The following IQCH variants were observed in gnomAD, a reference collection of about 807,000 sequenced individuals.
IQCH encodes the protein IQ motif containing H.
Under a neutral mutation model 117.0 loss-of-function variants are expected in IQCH, and 98 were observed. The observed-to-expected ratio is 0.84, with a 90% CI of 0.71 to 0.99. IQCH has a LOEUF of 0.99. IQCH is among the 50% of genes least tolerant of loss of function. The pLI, the probability that IQCH is intolerant of heterozygous loss-of-function variation, is 0.00. For synonymous variants in IQCH, 412 were observed against 448.2 expected (o/e 0.92, Z 1.02); for missense variants, 1,102 against 1,243.8 (o/e 0.89, Z 1.72).
chr15:67,259,527 A>G (rs571686195), intron 1 of IQCH, among the ~76,000 whole-genome samples: 8 of 152,360 alleles, frequency 5.3e-5, no homozygotes, highest in African/African-American at 1.9e-4. Flanking sequence ...TACCAAGCCT[A>G]TTACATACTA....
At chr15:67,271,266 C>A (rs1965888545) in intron 3 of IQCH, among the ~76,000 whole-genome samples, 1 of 152,190 alleles carries the variant, frequency 6.6e-6, no homozygotes, top group Non-Finnish European at 1.5e-5. Context: ...CCACGCCCAG[C>A]CTATGGTGAA....
At chr15:67,285,991 A>T (rs1261730728) in intron 4 of IQCH, among the ~76,000 whole-genome samples, 2 of 152,150 alleles carry the variant, frequency 1.3e-5, no homozygotes. Context: ...TGGTACTTTG[A>T]TAGGGATTGC....
intron 4 of IQCH, among the ~76,000 whole-genome samples, chr15:67,325,246 T>A (rs1968352906): frequency 6.6e-6 from 1 of 152,184 alleles, no homozygotes; most frequent in Non-Finnish European, 1.5e-5. Context: ...AGTTTTAGAA[T>A]TTCCATTTAG....
intron 4 of IQCH, among the ~76,000 whole-genome samples, chr15:67,283,577 T>C (rs1299142803): frequency 6.6e-6 from 1 of 152,116 alleles, no homozygotes; most frequent in Non-Finnish European, 1.5e-5. Flanking sequence ...AGTGGGACCA[T>C]GTACGTTCTG....
In IQCH at chr15:67,493,154, T is replaced by C. The variant is rs1010489399; in HGVS notation, c.2862-1104T>C. On this transcript the variant is annotated intron_variant, in intron 19 of 20. Transcript: ENST00000335894. The surrounding 1 kb of genome is among the most constrained non-coding windows in gnomAD (Gnocchi z 5.1). ...AAAGCCTTTAGTCCTTTTCTACTGTTTTCTGCCCATCTTAATCTCATCCCT... is the reference window on the plus strand; with the variant it reads ...AAAGCCTTTAGTCCTTTTCTACTGTCTTCTGCCCATCTTAATCTCATCCCT... Among the ~76,000 whole-genome samples, 19 of 152,288 alleles carry C rather than the reference T, an allele frequency of 1.2e-4. No homozygotes were observed. Among genetic ancestry groups the C allele is most frequent in the African/African-American group, 3.8e-4 (16 of 41,568 alleles).
At chr15:67,319,676 A>G (rs897110368) in intron 4 of IQCH, among the ~76,000 whole-genome samples, 3 of 152,248 alleles carry the variant, frequency 2.0e-5, no homozygotes, top group Non-Finnish European at 4.4e-5. Context: ...CAAAATATGC[A>G]ACCTGTCCTC....
At chr15:67,326,567 G>A (rs1968419692) in intron 4 of IQCH, among the ~76,000 whole-genome samples, 1 of 152,110 alleles carries the variant, frequency 6.6e-6, no homozygotes, top group Non-Finnish European at 1.5e-5. Flanking sequence ...GGTTGAACTA[G>A]TTTGCTGTCC....
Position 67,381,196 on chromosome 15 carries a change from C to T in IQCH, c.1373-3740C>T, listed in dbSNP as rs1970917118. ...AGCTAGTTTGCTGGATGCAAAGAGG[C>T]AATTAGTGTCATCTGATAGATGTTT... is the stretch of plus-strand genomic sequence containing the variant. On this transcript the variant is annotated intron_variant, in intron 10 of 20. Transcript: ENST00000335894. The surrounding 1 kb of genome is among the most constrained non-coding windows in gnomAD (Gnocchi z 5.1). Among the ~76,000 whole-genome samples, 1 of 152,074 alleles carries T rather than the reference C, an allele frequency of 6.6e-6. No homozygotes were observed. The highest frequency in any genetic ancestry group is 2.4e-5 in the African/African-American group (1 of 41,404).
chr15:67,334,688 G>A (rs1968814247), intron 4 of IQCH, among the ~76,000 whole-genome samples: 1 of 152,080 alleles, frequency 6.6e-6, no homozygotes. Context: ...GGGCCCAGGC[G>A]GCAGTATTTT....
chr15:67,361,600 C>T (rs1404640833), intron 8 of IQCH, among the ~76,000 whole-genome samples: 1 of 152,172 alleles, frequency 6.6e-6, no homozygotes, highest in Non-Finnish European at 1.5e-5. Flanking sequence ...TACAGGTAAT[C>T]AGTTTCTGTG....
intron 16 of IQCH, among the ~76,000 whole-genome samples, chr15:67,450,038 G>A (rs2082483427): frequency 6.6e-6 from 1 of 152,072 alleles, no homozygotes; most frequent in South Asian, 2.1e-4. Context: ...TCTGTTATTG[G>A]TGTATAAGAA....
At chr15:67,257,330 G>C (rs1441238289) in intron 1 of IQCH, among the ~76,000 whole-genome samples, 3 of 152,226 alleles carry the variant, frequency 2.0e-5, no homozygotes, top group African/African-American at 7.2e-5. Flanking sequence ...GTCAGTGACT[G>C]AGTGAGTGTG....
chr15:67,428,834 T>G (rs1596357648), intron 16 of IQCH, among the ~76,000 whole-genome samples: 3 of 130,598 alleles, frequency 2.3e-5, no homozygotes, highest in African/African-American at 2.9e-5. Flanking sequence ...GGTGACAGAG[T>G]GAGACTCTGT....
In IQCH at chr15:67,456,704, T is replaced by C. The variant is rs2082664926; in HGVS notation, c.2506-8423T>C. The stretch of plus-strand genomic sequence containing the variant: ...TTAAAACATTGTTATTTTGCTGTTT[T>C]CTTTTCATATTTGGGAGCCAGGAAC... On this transcript the variant is annotated intron_variant, in intron 16 of 20. Transcript: ENST00000335894. The surrounding 1 kb of genome is among the most constrained non-coding windows in gnomAD (Gnocchi z 5.1). 6.6e-6 allele frequency among the ~76,000 whole-genome samples: 1 copy of C among 152,210 alleles called. No individual in the cohort carries two copies. Among genetic ancestry groups the C allele is most frequent in the African/African-American group, 2.4e-5 (1 of 41,458 alleles).
At position 67,453,966 on chromosome 15, in the gene IQCH, G is replaced by A. The variant is rs1010474975; in HGVS notation, c.2506-11161G>A. Among the ~76,000 whole-genome samples the A allele has an allele frequency of 1.3e-5, 2 of 152,244 alleles. No homozygotes were observed. The highest frequency in any genetic ancestry group is 2.9e-5 in the Non-Finnish European group (2 of 68,042). On this transcript the variant is annotated intron_variant, in intron 16 of 20. Transcript: ENST00000335894. This position sits in a 1 kb window ranked among gnomAD's most constrained non-coding sequence, Gnocchi z 5.8. ...CCCCCAGCCTCGCTGCCGCCTTGCA[G>A]TTCGATCTGGGACTGCTGTGCTAGC...
At chr15:67,264,726 T>C (rs1965597514) in intron 3 of IQCH, among the ~76,000 whole-genome samples, 1 of 151,908 alleles carries the variant, frequency 6.6e-6, no homozygotes, top group Admixed American at 6.6e-5. Flanking sequence ...GAGAAGGGAT[T>C]ATACAAGGGC....
In IQCH at chr15:67,385,123, C is replaced by G; in HGVS notation, c.1456+104C>G. 1 of 687,338 alleles carries G rather than the reference C, an allele frequency of 1.5e-6. No individual in the cohort carries two copies. Among genetic ancestry groups the G allele is most frequent in the Non-Finnish European group, 2.5e-6 (1 of 402,810 alleles). The allele number at this position is 687,338 out of a possible 1,614,324, so 42.6% of individuals were successfully genotyped here. A position where few individuals can be genotyped will look rare whatever the true frequency, so the allele number is the denominator to read the frequency against. ...TTTGTTTTTTGCTTATTTTTTTCCT[C>G]TACAAGGAAAAAGCTCAGATGTTTA... On this transcript the variant is annotated intron_variant, in intron 11 of 20. Coordinates refer to ENST00000335894, the MANE Select transcript of IQCH (RefSeq NM_001031715.3). This position sits in a 1 kb window ranked among gnomAD's most constrained non-coding sequence, Gnocchi z 4.6.
intron 16 of IQCH, among the ~76,000 whole-genome samples, chr15:67,440,996 T>G (rs1260952301): frequency 1.3e-5 from 2 of 151,964 alleles, no homozygotes; most frequent in African/African-American, 4.8e-5. Context: ...CTCCTAGAAC[T>G]GATAAAAGAA....
chr15:67,384,690 C>G lies in IQCH; in HGVS notation c.1373-246C>G, dbSNP rs1360364071. On this transcript the variant is annotated intron_variant, in intron 10 of 20. Transcript: ENST00000335894. The surrounding 1 kb of genome is among the most constrained non-coding windows in gnomAD (Gnocchi z 4.3). ...TTTTGTCATCTTGATTCTTAGCAGC[C>G]TTGTTGGTACTGAAAAATGTGAACC... Among the ~76,000 whole-genome samples, 1 of 151,614 alleles carries G rather than the reference C, an allele frequency of 6.6e-6. No homozygotes were observed. Among genetic ancestry groups the G allele is most frequent in the Admixed American group, 6.6e-5 (1 of 15,206 alleles).
Sources: gnomAD v4.1 joint callset for allele counts (sites outside exome capture counted in the v4.1 genomes callset) on GRCh38, gnomAD v4.1.1 for gene constraint, Gnocchi (gnomAD v3.1) non-coding constraint, MANE v1.5 for transcripts, NCBI Gene and HGNC (gene_info 2026-07-23, HGNC 2026-07-21) for gene names.